MARK1: variants seen among roughly 807,000 people sequenced by gnomAD.
MARK1 encodes microtubule affinity regulating kinase 1.
Under a neutral mutation model 96.3 loss-of-function variants are expected in MARK1, and 40 were observed. That is an observed-to-expected ratio of 0.42 (90% confidence interval 0.32 to 0.54). The LOEUF (loss-of-function observed/expected upper bound fraction) is 0.54. Among genes scored for constraint, MARK1 ranks in the 20% least tolerant of loss-of-function variants. The pLI is 0.16. For missense variants in MARK1, 719 were observed against 984.6 expected (o/e 0.73, Z 3.61); for synonymous variants, 317 against 341.2 (o/e 0.93, Z 0.78).
rs1166771700 is a variant in MARK1, at chr1:220,528,783, G to A, written c.-40G>A. 2 of 1,541,166 alleles carry A rather than the reference G, an allele frequency of 1.3e-6. No homozygotes were observed. Among genetic ancestry groups the A allele is most frequent in the Admixed American group, 2.0e-5 (1 of 50,722 alleles). On this transcript the variant is annotated 5_prime_UTR_variant, in exon 1 of 18. Transcript: ENST00000366917. ...CCCCCCGGGGCCCGCACCACAGCCC[G>A]GCCGGCGAGACCCCGGCCAGACCCC... is the stretch of plus-strand genomic sequence containing the variant.
chr1:220,537,745 C>G (rs1407540344), intron 1 of MARK1, among the ~76,000 whole-genome samples: 1 of 150,708 alleles, frequency 6.6e-6, no homozygotes, highest in African/African-American at 2.4e-5. Context: ...CTCTCCAGCA[C>G]CTGTTGTTTC....
chr1:220,598,300 C>G (rs892461595), intron 3 of MARK1, 31 bp from the exon 4 acceptor site: 1 of 561,634 alleles, frequency 1.8e-6, no homozygotes, highest in South Asian at 1.5e-5. Flanking sequence ...TTTTTTTTAA[C>G]AGAAATATAT....
chr1:220,532,443 A>G (rs1395290888), intron 1 of MARK1, among the ~76,000 whole-genome samples: 6 of 152,182 alleles, frequency 3.9e-5, no homozygotes, highest in Non-Finnish European at 7.3e-5. Flanking sequence ...CACAGTGACT[A>G]GTACAGTATA....
At chr1:220,631,384 C>T (rs1055119585) in intron 10 of MARK1, among the ~76,000 whole-genome samples, 3 of 152,150 alleles carry the variant, frequency 2.0e-5, no homozygotes, top group Non-Finnish European at 2.9e-5. Context: ...AAATCGAATT[C>T]TTTCCTTTCA....
intron 1 of MARK1, among the ~76,000 whole-genome samples, chr1:220,542,265 A>G (rs1460593087): frequency 6.6e-6 from 1 of 152,194 alleles, no homozygotes; most frequent in Non-Finnish European, 1.5e-5. Context: ...AGTAATTTGC[A>G]TCCTTGCAAT....
chr1:220,648,577 C>T (rs1182328551), intron 13 of MARK1, among the ~76,000 whole-genome samples: 1 of 152,114 alleles, frequency 6.6e-6, no homozygotes, highest in Non-Finnish European at 1.5e-5. Context: ...TTCAGAGGCA[C>T]AGCTTGGAAG....
chr1:220,563,370 T>C (rs1371016351), intron 1 of MARK1, among the ~76,000 whole-genome samples: 1 of 152,194 alleles, frequency 6.6e-6, no homozygotes, highest in African/African-American at 2.4e-5. Context: ...TACCTCTTAC[T>C]GTATTGTATG....
intron 1 of MARK1, among the ~76,000 whole-genome samples, chr1:220,550,497 C>T (rs529746605): frequency 1.7e-4 from 26 of 152,218 alleles, no homozygotes; most frequent in South Asian, 8.3e-4. Context: ...GGACTACAGG[C>T]GTGCGCCACC....
intron 9 of MARK1, among the ~76,000 whole-genome samples, chr1:220,629,367 T>TTGG (rs1491462631): frequency 3.0e-4 from 46 of 151,930 alleles, no homozygotes; most frequent in African/African-American, 9.4e-4. Context: ...TTTTTTTTTT[T>TTGG]TGGTGGTGGT....
At chr1:220,642,412 C>T (rs1462835203) in intron 13 of MARK1, among the ~76,000 whole-genome samples, 1 of 152,216 alleles carries the variant, frequency 6.6e-6, no homozygotes, top group Non-Finnish European at 1.5e-5. Context: ...GGATCCATCC[C>T]TCGTCACCAG....
intron 13 of MARK1, among the ~76,000 whole-genome samples, chr1:220,639,675 G>T (rs1280447678): frequency 6.6e-6 from 1 of 152,104 alleles, no homozygotes; most frequent in Admixed American, 6.5e-5. Context: ...GTCACCCTTG[G>T]TCTGTGCAGT....
intron 17 of MARK1, 86 bp downstream of exon 17, chr1:220,657,920 G>T (rs1197345694): frequency 9.2e-6 from 9 of 978,226 alleles, no homozygotes; most frequent in South Asian, 2.6e-5. Context: ...TAATGATCAT[G>T]AATAGATCTA....
At chr1:220,658,577 T>A (rs950931568) in intron 17 of MARK1, among the ~76,000 whole-genome samples, 9 of 152,198 alleles carry the variant, frequency 5.9e-5, no homozygotes, top group Admixed American at 2.6e-4. Context: ...ATTAATTTAT[T>A]TTGAGTGTAC....
Position 220,579,560 on chromosome 1 carries a change from A to G in MARK1, c.255+3A>G, listed in dbSNP as rs373307894. On this transcript the variant is annotated splice_donor_region_variant and intron_variant, in intron 2 of 17. Coordinates refer to ENST00000366917, the MANE Select transcript of MARK1 (RefSeq NM_018650.5). The stretch of plus-strand genomic sequence containing the variant: ...GACACGTTCTAACTGGTAGAGAGGT[A>G]AGTTTGCACAATGCCTTTTAATATC... 2.0e-5 allele frequency: 33 copies of G among 1,612,866 alleles called. No homozygotes were observed. Among genetic ancestry groups the G allele is most frequent in the Admixed American group, 3.3e-5 (2 of 59,978 alleles).
chr1:220,548,500 G>T (rs190975617), intron 1 of MARK1, among the ~76,000 whole-genome samples: 7 of 152,180 alleles, frequency 4.6e-5, no homozygotes, highest in Non-Finnish European at 8.8e-5. Context: ...AGCACTTCGG[G>T]AGGCTGAGAC....
At chr1:220,625,018 A>G (rs1357303247) in intron 9 of MARK1, among the ~76,000 whole-genome samples, 1 of 152,208 alleles carries the variant, frequency 6.6e-6, no homozygotes, top group Non-Finnish European at 1.5e-5. Flanking sequence ...CCTGGACGTT[A>G]TAACAACTTC....
At chr1:220,572,292 A>G (rs1558267223) in intron 1 of MARK1, among the ~76,000 whole-genome samples, 1 of 151,886 alleles carries the variant, frequency 6.6e-6, no homozygotes, top group Non-Finnish European at 1.5e-5. Flanking sequence ...CCCAGGCTGG[A>G]GTACAATGGT....
chr1:220,561,581 G>T (rs1662672089), intron 1 of MARK1, among the ~76,000 whole-genome samples: 1 of 152,156 alleles, frequency 6.6e-6, no homozygotes, highest in South Asian at 2.1e-4. Flanking sequence ...TTTGATAATA[G>T]TGTTTCTAAG....
intron 1 of MARK1, 51 bp downstream of exon 1, chr1:220,528,924 G>C (rs906432467): frequency 1.3e-6 from 2 of 1,500,844 alleles, no homozygotes; most frequent in Non-Finnish European, 1.8e-6. Context: ...ACCCTCCTCT[G>C]ATCCCCACTT....
Sources: gnomAD v4.1 joint callset for allele counts (sites outside exome capture counted in the v4.1 genomes callset) on GRCh38, gnomAD v4.1.1 for gene constraint, MANE v1.5 for transcripts, NCBI Gene and HGNC (gene_info 2026-07-23, HGNC 2026-07-21) for gene names.